The following ZFAND4 variants were observed in gnomAD, a reference collection of about 807,000 sequenced individuals.
ZFAND4 encodes AN1-type zinc finger protein 4.
ZFAND4 carries 43 observed loss-of-function variants against 64.4 expected under a neutral mutation model. The observed-to-expected ratio is 0.67, with a 90% CI of 0.52 to 0.86. The LOEUF is 0.86. Among genes scored for constraint, ZFAND4 ranks in the 40% least tolerant of loss-of-function variants. The probability of loss-of-function intolerance (pLI) is 0.00; values close to 1 mark genes in which losing one functional copy is unlikely to be tolerated. For missense variants in ZFAND4, 929 were observed against 859.8 expected (o/e 1.08, Z -1.01); for synonymous variants, 296 against 305.7 (o/e 0.97, Z 0.33).
chr10:45,646,120 A>G (rs1472622802), intron 5 of ZFAND4, among the ~76,000 whole-genome samples: 1 of 152,228 alleles, frequency 6.6e-6, no homozygotes, highest in African/African-American at 2.4e-5. Context: ...CGTTATTCCC[A>G]TGAAAAAGAA....
intron 9 of ZFAND4, 129 bp from the exon 10 acceptor site, chr10:45,616,700 G>T: frequency 1.2e-6 from 1 of 807,252 alleles, no homozygotes; most frequent in Non-Finnish European, 2.0e-6. Flanking sequence ...TTTCACTGCT[G>T]ACATTTCCCT....
intron 6 of ZFAND4, among the ~76,000 whole-genome samples, chr10:45,636,001 AT>A (rs2046571823): frequency 6.6e-6 from 1 of 152,188 alleles, no homozygotes; most frequent in Non-Finnish European, 1.5e-5. Flanking sequence ...AAAAATATAG[AT>A]CAAAATTTCT....
intron 2 of ZFAND4, among the ~76,000 whole-genome samples, chr10:45,663,074 G>A (rs1396558623): frequency 6.7e-6 from 1 of 148,712 alleles, no homozygotes; most frequent in Admixed American, 6.7e-5. Flanking sequence ...TTGAATATAC[G>A]TAAATGTAAG....
At chr10:45,656,595 AAAC>A (rs2048139726) in intron 2 of ZFAND4, among the ~76,000 whole-genome samples, 1 of 151,668 alleles carries the variant, frequency 6.6e-6, no homozygotes, top group African/African-American at 2.4e-5. Flanking sequence ...CAGAATATCA[AAAC>A]ACAGTAACAA....
At chr10:45,662,647 C>T (rs1400736440) in intron 2 of ZFAND4, 6 of 985,254 alleles carry the variant, frequency 6.1e-6, no homozygotes, top group African/African-American at 1.7e-5. Context: ...TCACTGGACT[C>T]GGCCAGCCAC....
At chr10:45,670,039 G>A (rs769869373) in intron 1 of ZFAND4, among the ~76,000 whole-genome samples, 1 of 152,110 alleles carries the variant, frequency 6.6e-6, no homozygotes, top group Non-Finnish European at 1.5e-5. Context: ...AGAGCAATCA[G>A]ACAGGAGACA....
chr10:45,661,518 C>T (rs1275247074), intron 2 of ZFAND4, among the ~76,000 whole-genome samples: 2 of 152,182 alleles, frequency 1.3e-5, no homozygotes, highest in Non-Finnish European at 2.9e-5. Context: ...CCCAGCAGGA[C>T]GAACCCAAGC....
chr10:45,645,755 A>G lies in ZFAND4; in HGVS notation c.569+2539T>C, dbSNP rs186751743. ...ATTCCCACAGAAATTTGCAGCAGAT[A>G]TATTTCCGAGCTCAAATTATAGGTC... On this transcript the variant is annotated intron_variant, in intron 5 of 9. Coordinates refer to ENST00000344646, the MANE Select transcript of ZFAND4 (RefSeq NM_174890.4). 9.2e-5 allele frequency among the ~76,000 whole-genome samples: 14 copies of G among 152,334 alleles called. No individual in the cohort carries two copies. The East Asian group carries it at 1.9e-3, about 21-fold the overall frequency.
intron 2 of ZFAND4, among the ~76,000 whole-genome samples, chr10:45,660,160 CA>C (rs59673620): frequency 0.073 from 6,747 of 92,458 alleles, 149 homozygotes; most frequent in African/African-American, 0.12. Context: ...AGACGCATCT[CA>C]AAAAAAAAAA....
At chr10:45,620,789 T>G (rs1447242949) in intron 8 of ZFAND4, 8 of 152,246 alleles carry the variant, frequency 5.3e-5, no homozygotes, top group Non-Finnish European at 1.2e-4. Flanking sequence ...CCCCGAAGGA[T>G]GTACCAAGTC....
At chr10:45,661,237 T>TA (rs1331651103) in intron 2 of ZFAND4, among the ~76,000 whole-genome samples, 2 of 152,174 alleles carry the variant, frequency 1.3e-5, no homozygotes, top group African/African-American at 4.8e-5. Flanking sequence ...ACAACTAAGA[T>TA]ACAGAGAGAT....
chr10:45,627,017 A>G lies in ZFAND4; in HGVS notation c.806T>C (p.Leu269Ser). The change falls in exon 7 of 10, where the codon TTA becomes TCA. Residue 269 changes from leucine to serine, a missense_variant. By Grantham distance (145) the Leu-to-Ser change is moderately radical. Coordinates refer to ENST00000344646, the MANE Select transcript of ZFAND4 (RefSeq NM_174890.4). ...TTGACCAATGTTGGGGAGGACCCTT[A>G]ACAATCGGTGGCGAGATGGTGCAGT... ...GSTAPSRHRL[L>S]RVLPNIGQSC... 6.2e-7 allele frequency: 1 copy of G among 1,610,060 alleles called. No homozygotes were observed.
chr10:45,651,784 G>A (rs956257117), intron 4 of ZFAND4, among the ~76,000 whole-genome samples, 182 bp downstream of exon 4: 8 of 152,104 alleles, frequency 5.3e-5, no homozygotes, highest in Admixed American at 5.2e-4. Context: ...TTTCTGAATT[G>A]TATTTTAGAG....
At chr10:45,637,620 C>T (rs1390295294) in intron 6 of ZFAND4, among the ~76,000 whole-genome samples, 4 of 151,770 alleles carry the variant, frequency 2.6e-5, no homozygotes. Context: ...CGTGGAGATG[C>T]GCACCCGTAA....
Position 45,626,361 on chromosome 10 carries a change from C to A in ZFAND4, c.1462G>T (p.Val488Leu), listed in dbSNP as rs368972259. Residue 488 changes from valine (V) to leucine (L), a missense_variant, in exon 7 of 10, where the codon GTG (valine) becomes TTG (leucine). Transcript: ENST00000344646. ...CATTTGGACTGTCTCTCTGGTTTCACCAGAGAATTATGTAGCGACATTGGT... is the reference window on the plus strand; with the variant it reads ...CATTTGGACTGTCTCTCTGGTTTCAACAGAGAATTATGTAGCGACATTGGT... ...SAPMSLHNSL[V>L]KPERQSKCFE... The A allele has an allele frequency of 6.2e-7, 1 of 1,614,148 alleles. No homozygotes were observed. Among genetic ancestry groups the A allele is most frequent in the Non-Finnish European group, 8.5e-7 (1 of 1,180,030 alleles).
intron 4 of ZFAND4, 64 bp from the exon 5 acceptor site, chr10:45,648,598 G>A: frequency 2.6e-6 from 4 of 1,521,320 alleles, no homozygotes; most frequent in South Asian, 2.6e-5. Context: ...TTGGTACAGT[G>A]ACAGGATATA....
chr10:45,665,666 T>C (rs2048779416), intron 1 of ZFAND4, among the ~76,000 whole-genome samples: 1 of 152,222 alleles, frequency 6.6e-6, no homozygotes, highest in African/African-American at 2.4e-5. Flanking sequence ...CACATTTGCT[T>C]TAGAAAATTT....
At chr10:45,653,486 C>T (rs971548891) in intron 2 of ZFAND4, among the ~76,000 whole-genome samples, 1 of 151,938 alleles carries the variant, frequency 6.6e-6, no homozygotes, top group Non-Finnish European at 1.5e-5. Flanking sequence ...AAGAACAACC[C>T]CATTAAAAAA....
chr10:45,643,993 T>G (rs2047205325), intron 5 of ZFAND4, among the ~76,000 whole-genome samples: 1 of 152,212 alleles, frequency 6.6e-6, no homozygotes, highest in Non-Finnish European at 1.5e-5. Flanking sequence ...AAAGTTTTAT[T>G]GGAACAAAGC....
Sources: gnomAD v4.1 joint callset for allele counts (sites outside exome capture counted in the v4.1 genomes callset) on GRCh38, gnomAD v4.1.1 for gene constraint, MANE v1.5 for transcripts, NCBI Gene and HGNC (gene_info 2026-07-23, HGNC 2026-07-21) for gene names.